CHML: variants seen among roughly 807,000 people sequenced by gnomAD.
The protein encoded by CHML is CHM like Rab escort protein.
A neutral mutation model predicts 30.4 loss-of-function variants in CHML; 20 were observed. The observed-to-expected ratio is 0.66, with a 90% CI of 0.46 to 0.95. The LOEUF is 0.95. Among genes scored for constraint, CHML ranks in the 40% least tolerant of loss-of-function variants. The pLI is 0.00. For synonymous variants in CHML, 281 were observed against 275.0 expected (o/e 1.02, Z -0.22); for missense variants, 795 against 768.5 (o/e 1.03, Z -0.41).
At chr1:241,636,925 CTGTT>C (rs1398384935) in intron 1 of CHML, among the ~76,000 whole-genome samples, 3 of 150,452 alleles carry the variant, frequency 2.0e-5, no homozygotes, top group Non-Finnish European at 4.4e-5. Flanking sequence ...AAGACTAACA[CTGTT>C]TGTTCTTATT....
Position 241,633,879 on chromosome 1 carries a change from T to C in CHML, c.1888A>G (p.Thr630Ala). ...AGTTTGGCCATTACTACATTATTGG[T>C]TCCAGGAGCCTCTGGCTGCTTATCA... ...GDDKQPEAPG[T>A]NNVVMAKLES... The change falls in exon 2 of 2, where the codon ACC becomes GCC. Residue 630 changes from threonine to alanine, a missense_variant. Physicochemically the swap from Thr to Ala is moderately conservative, Grantham distance 58 (BLOSUM62 0). Transcript: ENST00000366553. The C allele has an allele frequency of 1.2e-6, 2 of 1,613,874 alleles. No individual in the cohort carries two copies. Among genetic ancestry groups the C allele is most frequent in the Non-Finnish European group, 1.7e-6 (2 of 1,179,800 alleles).
In CHML at chr1:241,633,639, T is replaced by C. The variant is rs566438929; in HGVS notation, c.*157A>G. ...TCACTCATTGATAGGTTAACAAAGATATTCAATGCTGAATGTCTGAGAGTT... is the reference window on the plus strand; with the variant it reads ...TCACTCATTGATAGGTTAACAAAGACATTCAATGCTGAATGTCTGAGAGTT... On this transcript the variant is annotated 3_prime_UTR_variant, in exon 2 of 2. Transcript: ENST00000366553. 6.8e-6 allele frequency: 5 copies of C among 740,082 alleles called. No individual in the cohort carries two copies. The South Asian group carries it at 7.2e-5, about 11-fold the overall frequency. The allele number at this position is 740,082 out of a possible 1,614,324, so 45.8% of individuals were successfully genotyped here.
Position 241,634,534 on chromosome 1 carries a change from G to A in CHML, c.1233C>T (p.Val411=), listed in dbSNP as rs368941629. 9 of 1,613,604 alleles carry A rather than the reference G, an allele frequency of 5.6e-6. No homozygotes were observed. The highest frequency in any genetic ancestry group is 3.3e-5 in the South Asian group (3 of 91,064). ...CLRHKVQCFV[V]DKESGRCKAI... ...CTTTACATCGTCCAGATTCTTTGTC[G>A]ACTACAAAGCATTGTACTTTATGAC... is the stretch of plus-strand genomic sequence containing the variant. The change falls in exon 2 of 2, where the codon GTC becomes GTT. Residue 411 remains valine (V), a synonymous_variant. Coordinates refer to ENST00000366553, the MANE Select transcript of CHML (RefSeq NM_001381853.1).
At position 241,633,700 on chromosome 1, in the gene CHML, C is replaced by A; in HGVS notation, c.*96G>T. ...TCTGCATAGCATTCATCATATATAA[C>A]CACTTCTAATTACTCATATGGGAAA... is the stretch of plus-strand genomic sequence containing the variant. On this transcript the variant is annotated 3_prime_UTR_variant, in exon 2 of 2. Transcript: ENST00000366553. 7.8e-7 allele frequency: 1 copy of A among 1,283,474 alleles called. No individual in the cohort carries two copies. Among genetic ancestry groups the A allele is most frequent in the Non-Finnish European group, 1.1e-6 (1 of 913,800 alleles). 79.5% of individuals were successfully genotyped at this position (1,283,474 alleles called of 1,614,324 possible).
In CHML at chr1:241,634,433, G is replaced by A. The variant is rs1326688365; in HGVS notation, c.1334C>T (p.Thr445Ile). 1.2e-6 allele frequency: 2 copies of A among 1,613,608 alleles called. No individual in the cohort carries two copies. The highest frequency in any genetic ancestry group is 1.7e-6 in the Non-Finnish European group (2 of 1,179,936). ...CTGCTTATACTGCACATTTGAGCAT[G>A]TTTCCTCAGAAAGGTAACTGTCTTC... is the stretch of plus-strand genomic sequence containing the variant. ...IVEDSYLSEETCSNVQYKQIS... is the reference protein window; with the variant it reads ...IVEDSYLSEEICSNVQYKQIS... The change falls in exon 2 of 2, where the codon ACA becomes ATA. Residue 445 changes from threonine (T) to isoleucine (I), a missense_variant. Transcript: ENST00000366553.
Position 241,635,641 on chromosome 1 carries a change from G to A in CHML, c.126C>T (p.Tyr42=), listed in dbSNP as rs1489402131. 6.2e-7 allele frequency: 1 copy of A among 1,614,080 alleles called. No individual in the cohort carries two copies. Among genetic ancestry groups the A allele is most frequent in the South Asian group, 1.1e-5 (1 of 91,086 alleles). Residue 42 remains tyrosine, a synonymous_variant, in exon 2 of 2, where the codon TAC becomes TAT. Coordinates refer to ENST00000366553, the MANE Select transcript of CHML (RefSeq NM_001381853.1). ...QRVLHIDSRS[Y]YGGNWASFSF... ...TGAAACTAGCCCAGTTTCCTCCATA[G>A]TAGCTTCTTGAATCAATATGCAGAA...
chr1:241,640,133 T>C lies in CHML; in HGVS notation c.-559A>G. 2.5e-6 allele frequency: 4 copies of C among 1,589,338 alleles called. No homozygotes were observed. The South Asian group carries it at 3.4e-5, about 13-fold the overall frequency. The stretch of plus-strand genomic sequence containing the variant: ...GCCCAGCAGCAGCGCCAGGCGCTCG[T>C]AGGTGCCGGGGCTGAAGAGGGGCGC... On this transcript the variant is annotated 5_prime_UTR_variant, in exon 1 of 2. Transcript: ENST00000366553.
At chr1:241,639,511 G>A (rs896080222) in intron 1 of CHML, among the ~76,000 whole-genome samples, 3 of 151,730 alleles carry the variant, frequency 2.0e-5, no homozygotes, top group African/African-American at 7.3e-5. Context: ...ACAGGCCCTC[G>A]TCTCTTTCCT....
In CHML at chr1:241,640,067, A is replaced by T; in HGVS notation, c.-493T>A. 6.2e-7 allele frequency: 1 copy of T among 1,611,680 alleles called. No homozygotes were observed. On this transcript the variant is annotated 5_prime_UTR_variant, in exon 1 of 2. Coordinates refer to ENST00000366553, the MANE Select transcript of CHML (RefSeq NM_001381853.1). ...CCGCTGGAACTTGTAGTAGAGGACGAGCACCAGCAGGTTGTTGCCGACGCC... is the reference window on the plus strand; with the variant it reads ...CCGCTGGAACTTGTAGTAGAGGACGTGCACCAGCAGGTTGTTGCCGACGCC...
rs760764453 is a variant in CHML, at chr1:241,634,233, A to G, written c.1534T>C (p.Cys512Arg). 1.6e-5 allele frequency: 26 copies of G among 1,613,894 alleles called. No homozygotes were observed. Among genetic ancestry groups the G allele is most frequent in the Non-Finnish European group, 2.1e-5 (25 of 1,179,930 alleles). Residue 512 changes from cysteine (C) to arginine (R), a missense_variant, in exon 2 of 2, where the codon TGT becomes CGT. By Grantham distance (180) the Cys-to-Arg change is radical (BLOSUM62 -3). Coordinates refer to ENST00000366553, the MANE Select transcript of CHML (RefSeq NM_001381853.1). ...TCTCTTGCTGTTTTAGAAGATGAAC[A>G]TGTCAAATGTACCAGATAGGTGTCC... The part of the protein sequence containing the change: ...MKDTYLVHLT[C>R]SSSKTAREDL...
At position 241,631,850 on chromosome 1, in the gene CHML, T is replaced by C. The variant is rs913306145; in HGVS notation, c.*1946A>G. 1 of 152,138 alleles carries C rather than the reference T, an allele frequency of 6.6e-6. No individual in the cohort carries two copies. Among genetic ancestry groups the C allele is most frequent in the African/African-American group, 2.4e-5 (1 of 41,424 alleles). The allele number at this position is 152,138 out of a possible 1,614,324, so 9.4% of individuals were successfully genotyped here. A position where few individuals can be genotyped will look rare whatever the true frequency, so the allele number is the denominator to read the frequency against. ...ATGCTAGACTAATTTTCGTGGGCAC[T>C]TTCTCTTTCTCCTGCAGCGCCTACA... On this transcript the variant is annotated 3_prime_UTR_variant, in exon 2 of 2. Transcript: ENST00000366553.
chr1:241,634,501 T>C lies in CHML; in HGVS notation c.1266A>G (p.Ile422Met), dbSNP rs926903802. Reference sequence around the variant, plus strand: ...CATTTATTCTTTGACCAAAGTGATCTATAATTGCTTTACATCGTCCAGATT... The same window carrying C: ...CATTTATTCTTTGACCAAAGTGATCCATAATTGCTTTACATCGTCCAGATT... ...DKESGRCKAI[I>M]DHFGQRINAK... Residue 422 changes from isoleucine to methionine, a missense_variant, in exon 2 of 2, where the codon ATA becomes ATG. Coordinates refer to ENST00000366553, the MANE Select transcript of CHML (RefSeq NM_001381853.1). 3 of 1,613,792 alleles carry C rather than the reference T, an allele frequency of 1.9e-6. No homozygotes were observed. In the African/African-American group the frequency reaches 4.0e-5, roughly 22 times the overall value.
chr1:241,635,388 C>A lies in CHML; in HGVS notation c.379G>T (p.Val127Leu). The A allele has an allele frequency of 6.2e-7, 1 of 1,613,990 alleles. No individual in the cohort carries two copies. Among genetic ancestry groups the A allele is most frequent in the Non-Finnish European group, 8.5e-7 (1 of 1,179,940 alleles). Reference sequence around the variant, plus strand: ...AGAACTTCAGTGAAGGTATTAGACACCCCCAAAGAAGGATTTTTCTGCAGA... The same window carrying A: ...AGAACTTCAGTGAAGGTATTAGACAACCCCAAAGAAGGATTTTTCTGCAGA... ...GALQKNPSLGVSNTFTEVLDS... is the reference protein window; with the variant it reads ...GALQKNPSLGLSNTFTEVLDS... The change falls in exon 2 of 2, where the codon GTG (valine) becomes TTG (leucine). Residue 127 changes from valine (V) to leucine (L), a missense_variant. By Grantham distance (32) the Val-to-Leu change is conservative. Transcript: ENST00000366553.
rs763052646 is a variant in CHML, at chr1:241,634,938, G to T, written c.829C>A (p.Pro277Thr). The T allele has an allele frequency of 2.5e-6, 4 of 1,613,110 alleles. No individual in the cohort carries two copies. The highest frequency in any genetic ancestry group is 3.4e-6 in the Non-Finnish European group (4 of 1,179,618). Residue 277 changes from proline (P) to threonine (T), a missense_variant, in exon 2 of 2, where the codon CCT becomes ACT. Physicochemically the swap from Pro to Thr is conservative, Grantham distance 38. Transcript: ENST00000366553. ...AFREGKVEQV[P>T]CSRADVFNSK... Reference sequence around the variant, plus strand: ...TTAAAGACATCTGCTCTGGAACAAGGAACTTGTTCTACCTTTCCTTCCCGA... The same window carrying T: ...TTAAAGACATCTGCTCTGGAACAAGTAACTTGTTCTACCTTTCCTTCCCGA...
rs1264832179 is a variant in CHML, at chr1:241,635,738, T to C, written c.29A>G (p.Asp10Gly). 2.5e-6 allele frequency: 4 copies of C among 1,612,108 alleles called. No individual in the cohort carries two copies. Among genetic ancestry groups the C allele is most frequent in the Non-Finnish European group, 3.4e-6 (4 of 1,178,770 alleles). ...CAAACCTGTCCCTATTATAACCACATCAAACTCTGTGGGAAGATTGTCCGC... is the reference window on the plus strand; with the variant it reads ...CAAACCTGTCCCTATTATAACCACACCAAACTCTGTGGGAAGATTGTCCGC... MADNLPTEF[D>G]VVIIGTGLPE... Residue 10 changes from aspartate (D) to glycine (G), a missense_variant, in exon 2 of 2, where the codon GAT becomes GGT. Coordinates refer to ENST00000366553, the MANE Select transcript of CHML (RefSeq NM_001381853.1).
In CHML at chr1:241,640,305, G is replaced by A. The variant is rs957650441; in HGVS notation, c.-731C>T. ...GCGGAGGCGCTCAGCTTGCGGCGGGGCTCGCGGCGCGCTCCGCACTGGGTG... is the reference window on the plus strand; with the variant it reads ...GCGGAGGCGCTCAGCTTGCGGCGGGACTCGCGGCGCGCTCCGCACTGGGTG... On this transcript the variant is annotated 5_prime_UTR_variant, in exon 1 of 2. Transcript: ENST00000366553. 13 of 1,107,908 alleles carry A rather than the reference G, an allele frequency of 1.2e-5. No homozygotes were observed. The African/African-American group carries it at 2.0e-4, about 17-fold the overall frequency. The allele number at this position is 1,107,908 out of a possible 1,614,324, so 68.6% of individuals were successfully genotyped here. A position where few individuals can be genotyped will look rare whatever the true frequency, so the allele number is the denominator to read the frequency against.
At position 241,633,526 on chromosome 1, in the gene CHML, T is replaced by C. The variant is rs1175879380; in HGVS notation, c.*270A>G. 9.4e-6 allele frequency: 4 copies of C among 424,906 alleles called. No individual in the cohort carries two copies. Among genetic ancestry groups the C allele is most frequent in the Non-Finnish European group, 4.2e-6 (1 of 238,326 alleles). The allele number at this position is 424,906 out of a possible 1,614,324, so 26.3% of individuals were successfully genotyped here. A position where few individuals can be genotyped will look rare whatever the true frequency, so the allele number is the denominator to read the frequency against. The stretch of plus-strand genomic sequence containing the variant: ...GTTGCTAATATGGAACCCTTACATA[T>C]ATACCCAATACTAAAATAAAGCTAA... On this transcript the variant is annotated 3_prime_UTR_variant, in exon 2 of 2. Transcript: ENST00000366553.
Position 241,634,996 on chromosome 1 carries a change from T to G in CHML, c.771A>C (p.Val257=), listed in dbSNP as rs370690494. ...LLIKSDVSRY[V]EFKNVTRILA... ...GAATCCTAGTGACATTTTTAAATTC[T>G]ACATAACGACTAACATCTGATTTGA... Residue 257 remains valine (V), a synonymous_variant, in exon 2 of 2, where the codon GTA becomes GTC. Coordinates refer to ENST00000366553, the MANE Select transcript of CHML (RefSeq NM_001381853.1). 2.4e-5 allele frequency: 38 copies of G among 1,613,578 alleles called. 1 individual carries two copies. The highest frequency in any genetic ancestry group is 1.7e-4 in the African/African-American group (13 of 74,922).
chr1:241,630,145 G>A lies in CHML; in HGVS notation c.*3651C>T, dbSNP rs1664572076. 1.3e-5 allele frequency: 2 copies of A among 152,010 alleles called. No homozygotes were observed. Among genetic ancestry groups the A allele is most frequent in the African/African-American group, 4.8e-5 (2 of 41,416 alleles). The allele number at this position is 152,010 out of a possible 1,614,324, so 9.4% of individuals were successfully genotyped here. A position where few individuals can be genotyped will look rare whatever the true frequency, so the allele number is the denominator to read the frequency against. On this transcript the variant is annotated 3_prime_UTR_variant, in exon 2 of 2. Transcript: ENST00000366553. ...TTCTGTGAAGTATTTCTCTTCTGTA[G>A]ATGGTGAAATAGATACTAGGAGTGA...
Sources: allele counts gnomAD v4.1 joint callset (sites outside exome capture counted in the v4.1 genomes callset), GRCh38; gene constraint gnomAD v4.1.1; transcripts MANE v1.5; gene names NCBI Gene and HGNC (gene_info 2026-07-23, HGNC 2026-07-21).